FRMD6: variants seen among roughly 807,000 people sequenced by gnomAD.
FRMD6 encodes the protein FERM domain-containing protein 6.
FRMD6 carries 37 observed loss-of-function variants against 73.2 expected under a neutral mutation model. The observed-to-expected ratio is 0.51, with a 90% CI of 0.39 to 0.66. FRMD6 has a LOEUF of 0.66. FRMD6 is among the 30% of genes least tolerant of loss of function. The pLI is 0.00. For missense variants in FRMD6, 714 were observed against 780.5 expected (o/e 0.91, Z 1.02); for synonymous variants, 273 against 282.2 (o/e 0.97, Z 0.33).
chr14:51,638,411 C>T (rs1173226914), intron 2 of FRMD6, among the ~76,000 whole-genome samples: 1 of 152,174 alleles, frequency 6.6e-6, no homozygotes, highest in Non-Finnish European at 1.5e-5. Flanking sequence ...CTGGGAGCCT[C>T]CAGATGTGGG....
chr14:51,603,901 G>A (rs1890138337), intron 2 of FRMD6, among the ~76,000 whole-genome samples: 1 of 151,458 alleles, frequency 6.6e-6, no homozygotes, highest in African/African-American at 2.4e-5. Flanking sequence ...TAGAATATTT[G>A]CCATACGATG....
chr14:51,546,583 C>CAAAAAA (rs56915114), intron 1 of FRMD6: 3 of 96,654 alleles, frequency 3.1e-5, no homozygotes, highest in African/African-American at 1.1e-4. Flanking sequence ...CCCTCCCCAT[C>CAAAAAA]AAAAAAAAAA....
chr14:51,548,600 T>A (rs1433455111), intron 1 of FRMD6, among the ~76,000 whole-genome samples: 1 of 152,152 alleles, frequency 6.6e-6, no homozygotes, highest in Non-Finnish European at 1.5e-5. Context: ...GTCTGTGAAA[T>A]AGAAAAATAA....
intron 1 of FRMD6, among the ~76,000 whole-genome samples, chr14:51,555,915 A>G (rs1194130231): frequency 6.6e-6 from 1 of 152,180 alleles, no homozygotes; most frequent in Non-Finnish European, 1.5e-5. Flanking sequence ...CTTCCTATGT[A>G]AGGTCCAAAT....
intron 1 of FRMD6, among the ~76,000 whole-genome samples, chr14:51,681,268 C>T (rs565751427): frequency 6.6e-6 from 1 of 152,284 alleles, no homozygotes; most frequent in African/African-American, 2.4e-5. Flanking sequence ...GAGAAAAACA[C>T]CATTTATTTA....
At chr14:51,714,709 C>T (rs1281654664) in intron 9 of FRMD6, 1 of 152,158 alleles carries the variant, frequency 6.6e-6, no homozygotes, top group African/African-American at 2.4e-5. Flanking sequence ...TCTTCTAAAC[C>T]CCAAATAGAT....
rs150800155 is a variant in FRMD6 at position 51,727,174 on chromosome 14, T to G, written c.1585-571T>G. ...TATCCTACCCAGCACCAAGAACACT[T>G]TATATTCAACCCAAGAATTCTGGCC... On this transcript the variant is annotated intron_variant, in intron 13 of 13. Coordinates refer to ENST00000344768, the MANE Select transcript of FRMD6 (RefSeq NM_001267046.2). Among the ~76,000 whole-genome samples the G allele has an allele frequency of 3.3e-5, 5 of 152,198 alleles. No individual in the cohort carries two copies. In the East Asian group the frequency reaches 9.6e-4, roughly 29 times the overall value.
chr14:51,452,997 G>C, the FRMD6 span, among the ~76,000 whole-genome samples: 1 of 152,170 alleles, frequency 6.6e-6, no homozygotes, highest in Non-Finnish European at 1.5e-5. Flanking sequence ...TGAGAAAATG[G>C]AGACAGTGAG....
intron 1 of FRMD6, among the ~76,000 whole-genome samples, chr14:51,683,653 A>G (rs967266815): frequency 2.0e-5 from 3 of 152,062 alleles, no homozygotes; most frequent in Admixed American, 1.3e-4. Context: ...ACTTATATCC[A>G]TTATCTCATT....
intron 1 of FRMD6, among the ~76,000 whole-genome samples, chr14:51,516,376 T>C (rs1178014345): frequency 6.6e-6 from 1 of 151,990 alleles, no homozygotes; most frequent in Non-Finnish European, 1.5e-5. Context: ...GATGCATTGA[T>C]TAAAGCATTC....
chr14:51,658,930 G>T (rs117992529), intron 1 of FRMD6, among the ~76,000 whole-genome samples: 1 of 152,078 alleles, frequency 6.6e-6, no homozygotes, highest in African/African-American at 2.4e-5. Flanking sequence ...TATCCTACCC[G>T]AATAAGATAC....
At chr14:51,699,483 T>C (rs1399053489) in intron 3 of FRMD6, among the ~76,000 whole-genome samples, 2 of 152,042 alleles carry the variant, frequency 1.3e-5, no homozygotes, top group African/African-American at 4.8e-5. Flanking sequence ...CTTCCTTAGG[T>C]TTCAAAATAA....
intron 2 of FRMD6, among the ~76,000 whole-genome samples, chr14:51,690,428 C>CA (rs888450598): frequency 9.2e-5 from 14 of 152,242 alleles, no homozygotes; most frequent in African/African-American, 3.4e-4. Context: ...CTCTGTCACC[C>CA]AGGCTGGAGT....
At chr14:51,577,875 C>T (rs994930441) in intron 2 of FRMD6, among the ~76,000 whole-genome samples, 2 of 152,148 alleles carry the variant, frequency 1.3e-5, no homozygotes, top group African/African-American at 4.8e-5. Context: ...CGTGCCTTTG[C>T]TATTTCTTAA....
intron 1 of FRMD6, among the ~76,000 whole-genome samples, chr14:51,654,302 A>G (rs897537223): frequency 2.8e-5 from 2 of 70,418 alleles, no homozygotes; most frequent in African/African-American, 4.7e-5. Context: ...AGGTTAGCTG[A>G]ATTGGGGGGG....
At chr14:51,612,992 C>T (rs1275074746) in intron 2 of FRMD6, among the ~76,000 whole-genome samples, 1 of 152,078 alleles carries the variant, frequency 6.6e-6, no homozygotes, top group Non-Finnish European at 1.5e-5. Context: ...CAAAGGGACA[C>T]ACAGGTGCAA....
chr14:51,682,588 T>C (rs867882843), intron 1 of FRMD6, among the ~76,000 whole-genome samples: 10 of 152,318 alleles, frequency 6.6e-5, no homozygotes, highest in Middle Eastern at 6.8e-3. Flanking sequence ...TGGCTTCAGA[T>C]AGCTAGATGC....
intron 2 of FRMD6, among the ~76,000 whole-genome samples, chr14:51,574,537 A>G (rs1440130817): frequency 6.6e-6 from 1 of 152,212 alleles, no homozygotes; most frequent in East Asian, 1.9e-4. Flanking sequence ...GAACCTGAGG[A>G]CATTATGTTA....
intron 2 of FRMD6, among the ~76,000 whole-genome samples, chr14:51,620,952 T>C (rs1300552657): frequency 2.0e-5 from 3 of 152,164 alleles, no homozygotes; most frequent in Non-Finnish European, 2.9e-5. Flanking sequence ...AAGTAGTAAA[T>C]TCAGGGAGAA....
Sources: gnomAD v4.1 joint callset for allele counts (sites outside exome capture counted in the v4.1 genomes callset) on GRCh38, gnomAD v4.1.1 for gene constraint, MANE v1.5 for transcripts, NCBI Gene and HGNC (gene_info 2026-07-23, HGNC 2026-07-21) for gene names.